MAPK10: variants seen among roughly 807,000 people sequenced by gnomAD.
The protein encoded by MAPK10 is mitogen-activated protein kinase 10.
Under a neutral mutation model 59.3 loss-of-function variants are expected in MAPK10, and 25 were observed. That is an observed-to-expected ratio of 0.42 (90% CI 0.31 to 0.59). The LOEUF is 0.59. Ranked by LOEUF, MAPK10 falls within the 20% of genes least tolerant of loss-of-function variation. MAPK10 has a pLI of 0.15. For missense variants in MAPK10, 351 were observed against 568.9 expected, an observed-to-expected ratio of 0.62 and a Z score of 3.90; for synonymous variants, 190 against 200.5, an observed-to-expected ratio of 0.95 and a Z score of 0.44.
chr4:86,055,427 C>T (rs1374308977), intron 11 of MAPK10, among the ~76,000 whole-genome samples: 1 of 149,680 alleles, frequency 6.7e-6, no homozygotes, highest in Non-Finnish European at 1.5e-5. Context: ...CCAAATAGGT[C>T]TTTCCTGAGA....
At chr4:86,248,690 G>A (rs1185628648) in intron 2 of MAPK10, among the ~76,000 whole-genome samples, 3 of 152,068 alleles carry the variant, frequency 2.0e-5, no homozygotes, top group African/African-American at 4.8e-5. Flanking sequence ...ACTGAGAATC[G>A]GGATATACGA....
chr4:86,178,918 G>T (rs190435084), intron 3 of MAPK10, among the ~76,000 whole-genome samples: 1 of 152,190 alleles, frequency 6.6e-6, no homozygotes, highest in African/African-American at 2.4e-5. Flanking sequence ...AAATCAAGAA[G>T]TTTGCTGGGT....
intron 2 of MAPK10, among the ~76,000 whole-genome samples, chr4:86,248,053 C>T (rs2093208538): frequency 6.6e-6 from 1 of 152,274 alleles, no homozygotes; most frequent in African/African-American, 2.4e-5. Flanking sequence ...AATAAAGAGT[C>T]AAAGCTGTGT....
intron 4 of MAPK10, among the ~76,000 whole-genome samples, chr4:86,158,072 G>T (rs1012992273): frequency 7.9e-5 from 12 of 151,944 alleles, no homozygotes; most frequent in Admixed American, 7.2e-4. Flanking sequence ...TACAGCAATT[G>T]TCTTAATATT....
At chr4:86,273,083 C>T (rs2094479173) in intron 2 of MAPK10, among the ~76,000 whole-genome samples, 1 of 152,018 alleles carries the variant, frequency 6.6e-6, no homozygotes, top group Admixed American at 6.6e-5. Context: ...AAGGTGACAA[C>T]ATTTAATTAT....
intron 1 of MAPK10, among the ~76,000 whole-genome samples, chr4:86,487,757 A>G (rs1264350496): frequency 6.6e-6 from 1 of 151,942 alleles, no homozygotes; most frequent in Non-Finnish European, 1.5e-5. Context: ...AAATTGTTAA[A>G]TCTGAATAAA....
At chr4:86,315,994 T>C (rs1386652778) in intron 2 of MAPK10, among the ~76,000 whole-genome samples, 1 of 152,204 alleles carries the variant, frequency 6.6e-6, no homozygotes, top group African/African-American at 2.4e-5. Flanking sequence ...TAAATCTCTA[T>C]ACCTATTCTT....
At chr4:86,132,779 T>C (rs2149144344) in intron 4 of MAPK10, among the ~76,000 whole-genome samples, 1 of 152,292 alleles carries the variant, frequency 6.6e-6, no homozygotes, top group South Asian at 2.1e-4. Context: ...ACACTCCTTG[T>C]GAGGATCTAA....
At chr4:86,556,521 A>C (rs1760281617) in intron 1 of MAPK10, among the ~76,000 whole-genome samples, 1 of 152,196 alleles carries the variant, frequency 6.6e-6, no homozygotes, top group South Asian at 2.1e-4. Flanking sequence ...AAATGTTTTT[A>C]GATCATATTG....
At chr4:86,474,072 G>T (rs927187435) in intron 1 of MAPK10, among the ~76,000 whole-genome samples, 1 of 152,154 alleles carries the variant, frequency 6.6e-6, no homozygotes, top group Admixed American at 6.5e-5. Context: ...ATGGGATCAT[G>T]CACCACATGT....
In MAPK10 at chr4:86,571,327, CGTGTGT is replaced by C. The variant is rs34133535; in HGVS notation, c.-263+22577_-263+22582del. On this transcript the variant is annotated intron_variant, in intron 1 of 4. Coordinates refer to the MAPK10 transcript ENST00000502302. The stretch of plus-strand genomic sequence containing the variant: ...TATATATTTACTGGATATATATATA[CGTGTGT>C]GTGTGTGTGTGTGTGTGTGTGTGTA... 3.3e-3 allele frequency among the ~76,000 whole-genome samples: 457 copies of C among 139,706 alleles called. 4 individuals are homozygous for C. Among genetic ancestry groups the C allele is most frequent in the African/African-American group, 0.011 (404 of 38,306 alleles). The allele number at this position is 139,706 out of a possible 152,430, so 91.7% of individuals were successfully genotyped here.
chr4:86,495,353 C>A (rs528388225), intron 1 of MAPK10, among the ~76,000 whole-genome samples: 2 of 152,250 alleles, frequency 1.3e-5, no homozygotes, highest in African/African-American at 2.4e-5. Context: ...CATCCAGTAC[C>A]AAGCCCATGG....
intron 2 of MAPK10, among the ~76,000 whole-genome samples, chr4:86,208,580 G>T (rs980954474): frequency 1.3e-5 from 2 of 151,722 alleles, no homozygotes; most frequent in Non-Finnish European, 2.9e-5. Context: ...GATATTGATG[G>T]GACGTATCTC....
intron 1 of MAPK10, among the ~76,000 whole-genome samples, chr4:86,365,430 TCAAAAAAAA>T (rs1294485230): frequency 3.8e-4 from 4 of 10,472 alleles, no homozygotes; most frequent in African/African-American, 7.3e-4. Context: ...AGACTCTGTC[TCAAAAAAAA>T]AAAAAAAAAA....
chr4:86,359,907 GGT>G lies in MAPK10; in HGVS notation c.-373_-372del. 1 of 985,594 alleles carries G rather than the reference GGT, an allele frequency of 1.0e-6. No individual in the cohort carries two copies. Among genetic ancestry groups the G allele is most frequent in the Non-Finnish European group, 1.2e-6 (1 of 829,906 alleles). 61.1% of individuals were successfully genotyped at this position (985,594 alleles called of 1,614,324 possible). On this transcript the variant is annotated 5_prime_UTR_variant, in exon 1 of 14. The change creates a premature stop within an existing upstream ORF in the 5' untranslated region. Coordinates refer to ENST00000641462, the MANE Select transcript of MAPK10 (RefSeq NM_138982.4). The stretch of plus-strand genomic sequence containing the variant: ...TAAAAATGAAAAAAGAAAAGAAAAA[GGT>G]AAGCATATAGCAAGCACCACCCACC...
chr4:86,573,903 A>G (rs1761658498), intron 1 of MAPK10, among the ~76,000 whole-genome samples: 2 of 152,034 alleles, frequency 1.3e-5, no homozygotes, highest in South Asian at 2.1e-4. Context: ...GAGAAATGCA[A>G]TTTTTTAAAT....
chr4:86,517,493 T>C (rs1756777882), intron 1 of MAPK10, among the ~76,000 whole-genome samples: 1 of 152,100 alleles, frequency 6.6e-6, no homozygotes. Flanking sequence ...GCCAGGATGG[T>C]CTCAATCTCC....
chr4:86,553,357 A>T (rs1193492519), intron 1 of MAPK10, among the ~76,000 whole-genome samples: 3 of 152,180 alleles, frequency 2.0e-5, no homozygotes, highest in Non-Finnish European at 4.4e-5. Flanking sequence ...AGGAGAAAGG[A>T]TAAAAGAGCC....
chr4:86,083,128 A>G (rs981209754), intron 9 of MAPK10, among the ~76,000 whole-genome samples: 1 of 152,148 alleles, frequency 6.6e-6, no homozygotes, highest in African/African-American at 2.4e-5. Flanking sequence ...TATTAAGAAG[A>G]CGTGTCTGGG....
Sources: gnomAD v4.1 joint callset for allele counts (sites outside exome capture counted in the v4.1 genomes callset) on GRCh38, gnomAD v4.1.1 for gene constraint, MANE v1.5 for transcripts, NCBI Gene and HGNC (gene_info 2026-07-23, HGNC 2026-07-21) for gene names.